Variants in DOCK3 observed in about 807,000 individuals in gnomAD.
DOCK3 encodes the protein dedicator of cytokinesis protein 3.
A neutral mutation model predicts 265.6 loss-of-function variants in DOCK3; 60 were observed. The observed-to-expected ratio is 0.23, with a 90% CI of 0.18 to 0.28. The LOEUF (loss-of-function observed/expected upper bound fraction) is 0.28, where lower values mean the gene tolerates loss of function less well. Ranked by LOEUF, DOCK3 falls within the 10% of genes least tolerant of loss-of-function variation. The probability of loss-of-function intolerance (pLI) is 1.00; values close to 1 mark genes in which losing one functional copy is unlikely to be tolerated. For missense variants in DOCK3, 1,981 were observed against 2,594.3 expected (o/e 0.76, Z 5.14); for synonymous variants, 881 against 938.0 (o/e 0.94, Z 1.11).
chr3:51,136,260 G>T (rs181728021), intron 9 of DOCK3, among the ~76,000 whole-genome samples: 1 of 149,120 alleles, frequency 6.7e-6, no homozygotes, highest in Non-Finnish European at 1.5e-5. Context: ...ATGGAGTCTC[G>T]CTCGTCACCC....
intron 13 of DOCK3, among the ~76,000 whole-genome samples, chr3:51,212,901 G>C (rs1426719850): frequency 6.6e-6 from 1 of 151,992 alleles, no homozygotes; most frequent in Admixed American, 6.6e-5. Context: ...GAGTTTAGCA[G>C]AAGCAACGAG....
chr3:51,310,285 C>A lies in DOCK3; in HGVS notation c.2976C>A (p.Val992=), dbSNP rs1358961391. 8 of 1,605,914 alleles carry A rather than the reference C, an allele frequency of 5.0e-6. No homozygotes were observed. The highest frequency in any genetic ancestry group is 1.3e-5 in the African/African-American group (1 of 74,852). Residue 992 remains valine (V), a synonymous_variant, in exon 28 of 53, where the codon GTC becomes GTA. Transcript: ENST00000266037. ...TCCGGAACCTGATGAAGATGAGTGT[C>A]TTCCCTCGGGACTGGATGGTAATGA... ...CVFRNLMKMS[V]FPRDWMVMRL...
intron 12 of DOCK3, among the ~76,000 whole-genome samples, chr3:51,161,075 C>G (rs1336735477): frequency 1.2e-5 from 1 of 85,178 alleles, no homozygotes; most frequent in African/African-American, 4.3e-5. Flanking sequence ...CACTCCGTTT[C>G]AAAGAAAAAA....
At chr3:51,373,159 T>C (rs1357851546) in intron 49 of DOCK3, among the ~76,000 whole-genome samples, 2 of 152,318 alleles carry the variant, frequency 1.3e-5, no homozygotes, top group Middle Eastern at 3.4e-3. Context: ...TCTCAAGGAC[T>C]CCTTTGGCAA....
intron 5 of DOCK3, among the ~76,000 whole-genome samples, chr3:51,025,318 C>T (rs1312647862): frequency 6.6e-6 from 1 of 152,130 alleles, no homozygotes; most frequent in Admixed American, 6.5e-5. Flanking sequence ...ATAACTGCCT[C>T]TGCTGCACAG....
chr3:50,896,985 T>C (rs1053003854), intron 4 of DOCK3, among the ~76,000 whole-genome samples: 6 of 152,208 alleles, frequency 3.9e-5, no homozygotes, highest in African/African-American at 1.4e-4. Flanking sequence ...TGTGGTTCCA[T>C]AGGAAATTTA....
At chr3:50,690,972 C>A (rs1162727072) in intron 1 of DOCK3, among the ~76,000 whole-genome samples, 1 of 151,392 alleles carries the variant, frequency 6.6e-6, no homozygotes, top group African/African-American at 2.4e-5. Context: ...TTTGACTATT[C>A]TAGATAACTC....
intron 10 of DOCK3, among the ~76,000 whole-genome samples, chr3:51,151,333 T>G (rs1398151709): frequency 6.6e-6 from 1 of 152,164 alleles, no homozygotes; most frequent in East Asian, 1.9e-4. Context: ...TATTGTTATG[T>G]GTGACCTGAG....
intron 1 of DOCK3, among the ~76,000 whole-genome samples, chr3:50,679,218 C>T (rs2034212659): frequency 6.6e-6 from 1 of 152,138 alleles, no homozygotes; most frequent in Non-Finnish European, 1.5e-5. Flanking sequence ...AAGCTATCCT[C>T]CCACCTCAGC....
intron 5 of DOCK3, 76 bp from the exon 6 acceptor site, chr3:51,064,372 T>A (rs1361886810): frequency 2.6e-6 from 4 of 1,565,112 alleles, no homozygotes; most frequent in Non-Finnish European, 3.5e-6. Flanking sequence ...TTTCATAGTT[T>A]AACTATTTCT....
chr3:50,763,349 A>C (rs988541984), intron 1 of DOCK3, among the ~76,000 whole-genome samples: 1 of 151,972 alleles, frequency 6.6e-6, no homozygotes, highest in Admixed American at 6.6e-5. Flanking sequence ...GGTGAGATAC[A>C]CGGCTCCCTG....
intron 5 of DOCK3, among the ~76,000 whole-genome samples, chr3:50,977,906 G>A (rs1279548042): frequency 1.4e-4 from 21 of 151,340 alleles, no homozygotes; most frequent in South Asian, 2.1e-4. Context: ...ATCTTCCATC[G>A]CTGATACCCT....
rs1396775077 is a variant in DOCK3, at chr3:51,174,912, G to C, written c.1037+14210G>C. ...AGGAGTTCAGGTGAGTGTGGATCCT[G>C]TCAGGTCCCTGAGTAGCCTGGACTG... On this transcript the variant is annotated intron_variant, in intron 12 of 52. Transcript: ENST00000266037. Among the ~76,000 whole-genome samples the C allele has an allele frequency of 4.6e-5, 7 of 152,320 alleles. No homozygotes were observed. In the East Asian group the frequency reaches 1.4e-3, roughly 29 times the overall value.
In DOCK3 at chr3:50,918,329, C is replaced by T. The variant is rs192169739; in HGVS notation, c.219-15652C>T. On this transcript the variant is annotated intron_variant, in intron 4 of 52. Coordinates refer to ENST00000266037, the MANE Select transcript of DOCK3 (RefSeq NM_004947.5). ...TTCTAGTTCTAGATCCTTGAGGAAT[C>T]GCCACACTGTCTTCCATAATGGTTG... Among the ~76,000 whole-genome samples the T allele has an allele frequency of 6.8e-3, 1,038 of 152,244 alleles. 19 individuals carry two copies. Among genetic ancestry groups the T allele is most frequent in the Non-Finnish European group, 3.7e-3 (254 of 68,030 alleles).
intron 9 of DOCK3, among the ~76,000 whole-genome samples, chr3:51,133,378 T>TTTTCATGTTTTC (rs2084649958): frequency 7.0e-6 from 1 of 143,518 alleles, no homozygotes; most frequent in Non-Finnish European, 1.5e-5. Flanking sequence ...GTGTTTTCAT[T>TTTTCATGTTTTC]GCTCAATTCC....
At position 51,375,647 on chromosome 3, in the gene DOCK3, G is replaced by A. The variant is rs147999403; in HGVS notation, c.5413-101G>A. 405 of 1,338,038 alleles carry A rather than the reference G, an allele frequency of 3.0e-4. 2 individuals carry two copies. In the East Asian group the frequency reaches 7.0e-3, roughly 23 times the overall value. 82.9% of individuals were successfully genotyped at this position (1,338,038 alleles called of 1,614,324 possible). A position where few individuals can be genotyped will look rare whatever the true frequency, so the allele number is the denominator to read the frequency against. On this transcript the variant is annotated intron_variant, in intron 50 of 52. Transcript: ENST00000266037. ...GCTGTGCCACTGCTTTGTTTTCCCC[G>A]TCTGATCTTGTAGTGTCCTGTCTCT...
intron 1 of DOCK3, among the ~76,000 whole-genome samples, chr3:50,686,377 T>C (rs769292091): frequency 6.6e-6 from 1 of 152,218 alleles, no homozygotes; most frequent in Non-Finnish European, 1.5e-5. Context: ...TATGGAGATT[T>C]GAAGTTGTCC....
chr3:50,804,340 G>A (rs1372840096), intron 2 of DOCK3, among the ~76,000 whole-genome samples: 2 of 152,168 alleles, frequency 1.3e-5, no homozygotes, highest in Admixed American at 6.5e-5. Flanking sequence ...ACGGGGTGGC[G>A]GCTGGGCAGA....
At chr3:51,278,641 G>A (rs2080947633) in intron 26 of DOCK3, 17 of 777,276 alleles carry the variant, frequency 2.2e-5, no homozygotes, top group Non-Finnish European at 2.5e-5. Flanking sequence ...TATGTACCCT[G>A]GCATTTCCTG....
Sources: allele counts gnomAD v4.1 joint callset (sites outside exome capture counted in the v4.1 genomes callset), GRCh38; gene constraint gnomAD v4.1.1; transcripts MANE v1.5; gene names NCBI Gene and HGNC (gene_info 2026-07-23, HGNC 2026-07-21).